SOX5: variants seen among roughly 807,000 people sequenced by gnomAD.
SOX5 encodes transcription factor SOX-5.
A neutral mutation model predicts 92.0 loss-of-function variants in SOX5; 9 were observed. The observed-to-expected ratio is 0.10, with a 90% CI of 0.06 to 0.17. The LOEUF is 0.17. Ranked by LOEUF, SOX5 falls within the 10% of genes least tolerant of loss-of-function variation. The probability of loss-of-function intolerance (pLI) is 1.00; values close to 1 mark genes in which losing one functional copy is unlikely to be tolerated. For synonymous variants in SOX5, 344 were observed against 336.3 expected (o/e 1.02, Z -0.25); for missense variants, 642 against 944.5 (o/e 0.68, Z 4.20).
chr12:24,544,103 C>G (rs1952391210), intron 1 of SOX5, among the ~76,000 whole-genome samples: 1 of 152,130 alleles, frequency 6.6e-6, no homozygotes, highest in Non-Finnish European at 1.5e-5. Context: ...CAACCAGTAT[C>G]TCATGAGCAG....
intron 4 of SOX5, among the ~76,000 whole-genome samples, chr12:24,027,609 C>T (rs1955021149): frequency 6.6e-6 from 1 of 151,890 alleles, no homozygotes. Context: ...CTACTTGCTG[C>T]CCCAAAGCTG....
intron 4 of SOX5, among the ~76,000 whole-genome samples, chr12:23,744,238 A>C (rs2093905002): frequency 6.6e-6 from 1 of 152,108 alleles, no homozygotes; most frequent in Non-Finnish European, 1.5e-5. Flanking sequence ...CATGCTTCAA[A>C]CTCTAAGAAC....
At chr12:24,359,654 A>G (rs754965422) in intron 2 of SOX5, among the ~76,000 whole-genome samples, 1 of 152,208 alleles carries the variant, frequency 6.6e-6, no homozygotes, top group Non-Finnish European at 1.5e-5. Flanking sequence ...TAAGAAGTCA[A>G]CAGAAACCCT....
intron 6 of SOX5, among the ~76,000 whole-genome samples, chr12:23,704,780 T>C (rs1351678912): frequency 1.3e-5 from 2 of 148,846 alleles, no homozygotes; most frequent in Non-Finnish European, 3.0e-5. Context: ...TTTTATTTCT[T>C]GTCAAAGAAA....
Position 23,872,681 on chromosome 12 carries a change from A to T in SOX5, c.270+23112T>A, listed in dbSNP as rs189633817. ...TATACACTTTTGCAAACATAATAACATTTAGCCAGACCATTTGGTAACCAT... is the reference window on the plus strand; with the variant it reads ...TATACACTTTTGCAAACATAATAACTTTTAGCCAGACCATTTGGTAACCAT... On this transcript the variant is annotated intron_variant, in intron 2 of 14. Coordinates refer to ENST00000451604, the MANE Select transcript of SOX5 (RefSeq NM_006940.6). Among the ~76,000 whole-genome samples, 267 of 152,352 alleles carry T rather than the reference A, an allele frequency of 1.8e-3. 1 individual carries two copies. The highest frequency in any genetic ancestry group is 3.9e-3 in the Admixed American group (60 of 15,300).
intron 7 of SOX5, among the ~76,000 whole-genome samples, chr12:23,653,033 T>TGGATGGATGGATGGAC (rs1555230912): frequency 0.17 from 15,094 of 88,224 alleles, 853 homozygotes; most frequent in African/African-American, 0.19. Flanking sequence ...TACAGATAGA[T>TGGATGGATGGATGGAC]GGATGGATGG....
At chr12:24,170,234 GGC>G (rs879367936) in intron 4 of SOX5, among the ~76,000 whole-genome samples, 16,730 of 152,244 alleles carry the variant, frequency 0.11, 1,006 homozygotes, top group Admixed American at 0.15. Flanking sequence ...CAAAATAGCA[GGC>G]AGCGCTAGTG....
At position 23,958,569 on chromosome 12, in the gene SOX5, G is replaced by A. The variant is rs1055569159; in HGVS notation, c.-1-62545C>T. On this transcript the variant is annotated intron_variant, in intron 4 of 4. Transcript: ENST00000446891. ...TAGCTTCTGATTTCACAGCTTGTAA[G>A]AGGCAGAAAAACAATTTGAACCAAA... Among the ~76,000 whole-genome samples the A allele has an allele frequency of 4.0e-5, 6 of 151,858 alleles. No individual in the cohort carries two copies. The South Asian group carries it at 8.3e-4, about 21-fold the overall frequency.
intron 6 of SOX5, among the ~76,000 whole-genome samples, chr12:23,713,865 G>A (rs1593557343): frequency 6.6e-6 from 1 of 151,394 alleles, no homozygotes; most frequent in East Asian, 1.9e-4. Context: ...GCCAAAGCGG[G>A]TGGATCACTT....
At chr12:24,479,417 T>A (rs1261901406) in intron 1 of SOX5, among the ~76,000 whole-genome samples, 1 of 152,246 alleles carries the variant, frequency 6.6e-6, no homozygotes, top group Non-Finnish European at 1.5e-5. Context: ...CTAAGCACTT[T>A]ACATAAATAT....
intron 4 of SOX5, among the ~76,000 whole-genome samples, chr12:23,748,532 T>C (rs1475186694): frequency 6.6e-6 from 1 of 151,950 alleles, no homozygotes; most frequent in Non-Finnish European, 1.5e-5. Flanking sequence ...AGTAAACCAT[T>C]GGGAACTATT....
At chr12:24,332,094 C>G (rs1951400353) in intron 2 of SOX5, among the ~76,000 whole-genome samples, 3 of 151,670 alleles carry the variant, frequency 2.0e-5, no homozygotes, top group African/African-American at 7.3e-5. Context: ...GAAGAAATAC[C>G]ATAGTACTTC....
In SOX5 at chr12:23,800,556, T is replaced by TA. The variant is rs140750276; in HGVS notation, c.482-44833dup. Among the ~76,000 whole-genome samples the TA allele has an allele frequency of 5.9e-3, 872 of 149,012 alleles. 6 individuals are homozygous for TA. Among genetic ancestry groups the TA allele is most frequent in the Admixed American group, 9.3e-3 (138 of 14,912 alleles). On this transcript the variant is annotated intron_variant, in intron 3 of 14. Transcript: ENST00000451604. ...CGTTTAGGTATCACTCTTTAAAATT[T>TA]AAAAAAAAAACAACTTTGGTATAGA...
intron 4 of SOX5, among the ~76,000 whole-genome samples, chr12:24,184,369 C>A (rs1565609354): frequency 1.3e-5 from 2 of 151,668 alleles, no homozygotes; most frequent in African/African-American, 4.9e-5. Flanking sequence ...AACATTTTAA[C>A]CAAAATGATT....
At chr12:23,721,591 C>T (rs931714297) in intron 6 of SOX5, among the ~76,000 whole-genome samples, 4 of 152,128 alleles carry the variant, frequency 2.6e-5, no homozygotes, top group African/African-American at 9.7e-5. Flanking sequence ...TGTAACAGTT[C>T]GCAGAATGGC....
intron 4 of SOX5, among the ~76,000 whole-genome samples, chr12:24,085,467 C>T (rs569064255): frequency 1.4e-4 from 21 of 152,216 alleles, no homozygotes; most frequent in African/African-American, 4.3e-4. Context: ...AGCGTGACCT[C>T]AGAGCCCTCA....
intron 7 of SOX5, among the ~76,000 whole-genome samples, chr12:23,643,287 G>A (rs10842202): frequency 0.33 from 49,530 of 151,866 alleles, 8,388 homozygotes; most frequent in African/African-American, 0.39. Flanking sequence ...GTGGTAGTAT[G>A]TACTGGGTTT....
intron 2 of SOX5, among the ~76,000 whole-genome samples, chr12:24,303,817 A>C (rs1595384242): frequency 6.6e-6 from 1 of 152,216 alleles, no homozygotes; most frequent in Admixed American, 6.5e-5. Context: ...TGAGGATCAA[A>C]GGGGAGAGAG....
At chr12:23,813,899 C>CA (rs1393798415) in intron 3 of SOX5, among the ~76,000 whole-genome samples, 1 of 152,040 alleles carries the variant, frequency 6.6e-6, no homozygotes, top group African/African-American at 2.4e-5. Context: ...AATATTTTGA[C>CA]ATTTAATCAG....
Sources: allele counts gnomAD v4.1 joint callset (sites outside exome capture counted in the v4.1 genomes callset), GRCh38; gene constraint gnomAD v4.1.1; transcripts MANE v1.5; gene names NCBI Gene and HGNC (gene_info 2026-07-23, HGNC 2026-07-21).